The following TMEM232 variants were observed in gnomAD, a reference collection of about 807,000 sequenced individuals.
TMEM232 encodes the protein transmembrane protein 232.
A neutral mutation model predicts 78.8 loss-of-function variants in TMEM232; 80 were observed. That is an observed-to-expected ratio of 1.01 (90% CI 0.85 to 1.22). TMEM232 has a LOEUF of 1.22. Among genes scored for constraint, TMEM232 ranks in the 50% most tolerant of loss-of-function variants. The pLI is 0.00. For synonymous variants in TMEM232, 297 were observed against 254.3 expected (o/e 1.17, Z -1.60); for missense variants, 881 against 742.2 (o/e 1.19, Z -2.17).
chr5:110,738,948 AG>A, upstream of TMEM232: 1 of 1,431,890 alleles, frequency 7.0e-7, no homozygotes, highest in Non-Finnish European at 9.1e-7. Context: ...GGTTGCCGGA[AG>A]AGGCTATAAT....
chr5:110,399,869 T>C (rs923848219), intron 2 of TMEM232, among the ~76,000 whole-genome samples: 5 of 152,176 alleles, frequency 3.3e-5, no homozygotes, highest in African/African-American at 1.2e-4. Flanking sequence ...TACTGAATTA[T>C]TATCGTAGTC....
chr5:110,551,211 GTTTGTTTGTTTGTT>G (rs1774416069), intron 11 of TMEM232, among the ~76,000 whole-genome samples: 2 of 151,826 alleles, frequency 1.3e-5, no homozygotes, highest in South Asian at 2.1e-4. Flanking sequence ...CTTTTTGTTT[GTTTGTTTGTTTGTT>G]TTTGTTTGTT....
chr5:110,566,617 G>A (rs901703482), intron 11 of TMEM232, among the ~76,000 whole-genome samples: 2 of 151,788 alleles, frequency 1.3e-5, no homozygotes, highest in East Asian at 1.9e-4. Context: ...CATCTTCATC[G>A]GAGACCACCT....
chr5:110,605,281 G>T lies in TMEM232; in HGVS notation c.1104C>A (p.Ile368=), dbSNP rs1286167233. The part of the protein sequence containing the change: ...VYIYTVILAE[I]CLYAATSDLR... ...AATCAGAAGTGGCTGCATACAAGCA[G>T]ATTTCTGCAAGAATTACTGTATATA... The change falls in exon 10 of 14, where the codon ATC becomes ATA. Residue 368 remains isoleucine (I), a synonymous_variant. Transcript: ENST00000455884. The T allele has an allele frequency of 6.4e-7, 1 of 1,551,336 alleles. No homozygotes were observed. Among genetic ancestry groups the T allele is most frequent in the Admixed American group, 2.0e-5 (1 of 50,992 alleles).
chr5:110,416,257 T>C (rs1756204547), downstream of TMEM232, among the ~76,000 whole-genome samples: 1 of 152,260 alleles, frequency 6.6e-6, no homozygotes, highest in Non-Finnish European at 1.5e-5. Context: ...AAGTACTGTG[T>C]GGACTGAATT....
intron 1 of TMEM232, among the ~76,000 whole-genome samples, chr5:110,681,976 T>C (rs1792808689): frequency 6.6e-6 from 1 of 152,102 alleles, no homozygotes; most frequent in Admixed American, 6.6e-5. Context: ...CCCAGACCAT[T>C]TTACAACAGA....
At chr5:110,612,828 C>T (rs938783449) in intron 8 of TMEM232, among the ~76,000 whole-genome samples, 2 of 152,122 alleles carry the variant, frequency 1.3e-5, no homozygotes, top group African/African-American at 4.8e-5. Context: ...CAATTATAAA[C>T]ACAATTCATT....
At chr5:110,630,456 C>T (rs73226242) in intron 5 of TMEM232, among the ~76,000 whole-genome samples, 344 of 152,224 alleles carry the variant, frequency 2.3e-3, no homozygotes, top group African/African-American at 7.3e-3. Context: ...TCTCACATGT[C>T]GGGGGAGGGG....
chr5:110,679,975 T>C (rs748179087), intron 1 of TMEM232, among the ~76,000 whole-genome samples: 2 of 152,180 alleles, frequency 1.3e-5, no homozygotes, highest in Non-Finnish European at 2.9e-5. Flanking sequence ...TGGAAAAGCA[T>C]CTTTAAAAAG....
chr5:110,465,480 G>GAAAGT (rs1272177462), intron 12 of TMEM232, among the ~76,000 whole-genome samples: 11 of 152,148 alleles, frequency 7.2e-5, no homozygotes, highest in African/African-American at 2.4e-4. Flanking sequence ...ATATGGGTGT[G>GAAAGT]AAAGTACCAC....
At chr5:110,484,236 T>G (rs923733920) in intron 12 of TMEM232, among the ~76,000 whole-genome samples, 2 of 152,128 alleles carry the variant, frequency 1.3e-5, no homozygotes, top group African/African-American at 4.8e-5. Flanking sequence ...ATCGTTTGTA[T>G]GCCAAACCCC....
Position 110,519,694 on chromosome 5 carries a change from CA to C in TMEM232, c.1703+8893del, listed in dbSNP as rs929268765. Among the ~76,000 whole-genome samples the C allele has an allele frequency of 3.0e-4, 45 of 151,912 alleles. 1 individual carries two copies. Among genetic ancestry groups the C allele is most frequent in the African/African-American group, 1.1e-3 (45 of 41,422 alleles). Reference sequence around the variant, plus strand: ...TCCCATGTTTATCACAGCACTGTTACAATAGCCAAAATTTGGAATCAACCCA... The same window carrying C: ...TCCCATGTTTATCACAGCACTGTTACATAGCCAAAATTTGGAATCAACCCA... On this transcript the variant is annotated intron_variant, in intron 12 of 13. Transcript: ENST00000455884.
At chr5:110,727,984 C>T (rs1035092442), upstream of TMEM232, among the ~76,000 whole-genome samples, 2 of 151,922 alleles carry the variant, frequency 1.3e-5, no homozygotes, top group African/African-American at 4.8e-5. Flanking sequence ...GTTTTAATTT[C>T]AAGAGATCTA....
chr5:110,563,157 T>C (rs1775947543), intron 11 of TMEM232, among the ~76,000 whole-genome samples: 1 of 152,002 alleles, frequency 6.6e-6, no homozygotes, highest in African/African-American at 2.4e-5. Flanking sequence ...CTTCTAAGCA[T>C]TGAAAACAAA....
chr5:110,713,468 T>C lies in TMEM232; in HGVS notation c.-13+13159A>G, dbSNP rs551910099. Among the ~76,000 whole-genome samples the C allele has an allele frequency of 3.4e-3, 518 of 152,238 alleles. 3 individuals are homozygous for C. The highest frequency in any genetic ancestry group is 0.012 in the African/African-American group (494 of 41,550). ...GATAGATTCCCCATTTAGCATATTG[T>C]GATTATTATGCATTGCAAGCCTGTA... is the stretch of plus-strand genomic sequence containing the variant. On this transcript the variant is annotated intron_variant, in intron 1 of 13. Coordinates refer to ENST00000455884, the MANE Select transcript of TMEM232 (RefSeq NM_001039763.4).
intron 12 of TMEM232, among the ~76,000 whole-genome samples, chr5:110,509,032 A>G: frequency 6.9e-6 from 1 of 145,910 alleles, no homozygotes; most frequent in East Asian, 2.0e-4. Context: ...AATTATATAT[A>G]CACACACATA....
intron 2 of TMEM232, among the ~76,000 whole-genome samples, chr5:110,652,405 T>A (rs1055982976): frequency 6.6e-6 from 1 of 152,128 alleles, no homozygotes; most frequent in Admixed American, 6.6e-5. Flanking sequence ...AGGGAAAACA[T>A]AGTTATGTCA....
chr5:110,630,812 GA>G (rs1785030145), intron 5 of TMEM232, among the ~76,000 whole-genome samples: 1 of 152,166 alleles, frequency 6.6e-6, no homozygotes, highest in Admixed American at 6.5e-5. Context: ...GCTATTGGGG[GA>G]AAGTGTGTAA....
At chr5:110,738,173 G>A, upstream of TMEM232, 2 of 1,262,688 alleles carry the variant, frequency 1.6e-6, no homozygotes, top group South Asian at 2.6e-5. Flanking sequence ...AGGAACATAG[G>A]ATGAAACCAT....
Sources: allele counts gnomAD v4.1 joint callset (sites outside exome capture counted in the v4.1 genomes callset), GRCh38; gene constraint gnomAD v4.1.1; transcripts MANE v1.5; gene names NCBI Gene and HGNC (gene_info 2026-07-23, HGNC 2026-07-21).